The following BACH2 variants were observed in gnomAD, a reference collection of about 807,000 sequenced individuals.
BACH2 encodes BACH transcriptional regulator 2, also known as transcription regulator protein BACH2.
A neutral mutation model predicts 61.8 loss-of-function variants in BACH2; 5 were observed. That is an observed-to-expected ratio of 0.08 (90% CI 0.04 to 0.17). The LOEUF is 0.17. Among genes scored for constraint, BACH2 ranks in the 10% least tolerant of loss-of-function variants. BACH2 has a pLI of 1.00. For synonymous variants in BACH2, 446 were observed against 440.1 expected (o/e 1.01, Z -0.17); for missense variants, 824 against 1,091.1 (o/e 0.76, Z 3.45).
chr6:90,291,432 C>A (rs1772172136), intron 1 of BACH2, among the ~76,000 whole-genome samples: 1 of 151,740 alleles, frequency 6.6e-6, no homozygotes, highest in Non-Finnish European at 1.5e-5. Context: ...ACATTTCCAG[C>A]CTTACGGAAG....
intron 1 of BACH2, among the ~76,000 whole-genome samples, chr6:90,291,642 A>G (rs557013253): frequency 6.6e-6 from 1 of 151,068 alleles, no homozygotes; most frequent in Non-Finnish European, 1.5e-5. Context: ...GTTGAGTTGT[A>G]TTTTGGGCAA....
At chr6:90,226,223 T>C (rs1405301466) in intron 3 of BACH2, among the ~76,000 whole-genome samples, 1 of 152,108 alleles carries the variant, frequency 6.6e-6, no homozygotes, top group Admixed American at 6.5e-5. Flanking sequence ...CTCAGAAAAA[T>C]GTGGAGCTAT....
At chr6:90,187,592 C>T (rs1013400755) in intron 4 of BACH2, among the ~76,000 whole-genome samples, 4 of 152,186 alleles carry the variant, frequency 2.6e-5, no homozygotes, top group Non-Finnish European at 4.4e-5. Flanking sequence ...AAGAAATCAT[C>T]TGGATCTGTT....
Position 89,931,512 on chromosome 6 carries a change from CTTCAT to C in BACH2, c.*891_*895del, listed in dbSNP as rs1323975375. ...TACTTGAGTTATACCGAAGTTACAACTTCATTTAAGAAAATAGGTTTGACCCAAAA... is the reference window on the plus strand; with the variant it reads ...TACTTGAGTTATACCGAAGTTACAACTTAAGAAAATAGGTTTGACCCAAAA... On this transcript the variant is annotated 3_prime_UTR_variant, in exon 9 of 9. Transcript: ENST00000257749. The C allele has an allele frequency of 3.3e-5, 5 of 152,574 alleles. No homozygotes were observed. The highest frequency in any genetic ancestry group is 7.4e-5 in the Non-Finnish European group (5 of 68,026). The allele number at this position is 152,574 out of a possible 1,614,324, so 9.5% of individuals were successfully genotyped here. A position where few individuals can be genotyped will look rare whatever the true frequency, so the allele number is the denominator to read the frequency against.
At chr6:90,084,392 G>A (rs11963242) in intron 5 of BACH2, among the ~76,000 whole-genome samples, 2 of 151,838 alleles carry the variant, frequency 1.3e-5, no homozygotes, top group African/African-American at 2.4e-5. Context: ...GAACTCATGG[G>A]GGGGGAATTT....
chr6:90,163,164 G>C (rs932858848), intron 4 of BACH2, among the ~76,000 whole-genome samples: 1 of 152,104 alleles, frequency 6.6e-6, no homozygotes, highest in African/African-American at 2.4e-5. Flanking sequence ...AAAATATCTC[G>C]TGGCAGTAGA....
At chr6:90,259,481 T>C (rs1582541997) in intron 2 of BACH2, among the ~76,000 whole-genome samples, 1 of 152,242 alleles carries the variant, frequency 6.6e-6, no homozygotes, top group Non-Finnish European at 1.5e-5. Flanking sequence ...CCTAATATTT[T>C]ACTGGGGCTT....
intron 4 of BACH2, among the ~76,000 whole-genome samples, chr6:90,193,416 A>G (rs1450623801): frequency 6.6e-6 from 1 of 152,206 alleles, no homozygotes; most frequent in Admixed American, 6.5e-5. Flanking sequence ...GTGACCTTCT[A>G]CAAGCCAAGG....
At chr6:90,141,259 C>A (rs1334851228) in intron 4 of BACH2, among the ~76,000 whole-genome samples, 1 of 152,146 alleles carries the variant, frequency 6.6e-6, no homozygotes, top group Non-Finnish European at 1.5e-5. Flanking sequence ...CGGCTCACTG[C>A]AACCTCCACC....
chr6:90,096,533 T>A (rs539846824), intron 4 of BACH2, among the ~76,000 whole-genome samples: 1 of 152,242 alleles, frequency 6.6e-6, no homozygotes, highest in African/African-American at 2.4e-5. Context: ...TAACCATTGA[T>A]ACCTGACACT....
intron 8 of BACH2, among the ~76,000 whole-genome samples, chr6:89,935,857 C>A (rs956368033): frequency 1.3e-5 from 2 of 152,208 alleles, no homozygotes; most frequent in African/African-American, 4.8e-5. Flanking sequence ...GCCTAGGCCC[C>A]TGTAGACTCA....
chr6:90,024,938 A>C (rs1300050716), intron 5 of BACH2, among the ~76,000 whole-genome samples: 1 of 152,110 alleles, frequency 6.6e-6, no homozygotes, highest in Non-Finnish European at 1.5e-5. Flanking sequence ...CTCCCTCAAA[A>C]GCCGTCTTAG....
At position 90,008,558 on chromosome 6, in the gene BACH2, T is replaced by A. The variant is rs753633959; in HGVS notation, c.243+44A>T. 7 of 1,607,898 alleles carry A rather than the reference T, an allele frequency of 4.4e-6. No individual in the cohort carries two copies. The African/African-American group carries it at 9.4e-5, about 22-fold the overall frequency. On this transcript the variant is annotated intron_variant, in intron 6 of 8. Transcript: ENST00000257749. This position sits in a 1 kb window ranked among gnomAD's most constrained non-coding sequence, Gnocchi z 4.1. ...TCCTAGTCAGCCAGTTTTCTGTAAG[T>A]CAATAAACATTCATTAACAATCACA...
At chr6:90,004,706 A>G (rs1777314944) in intron 6 of BACH2, among the ~76,000 whole-genome samples, 1 of 152,188 alleles carries the variant, frequency 6.6e-6, no homozygotes, top group South Asian at 2.1e-4. Flanking sequence ...CCAGCCCGAA[A>G]TGGCCTCCAT....
At chr6:90,214,020 G>C (rs549929367) in intron 3 of BACH2, among the ~76,000 whole-genome samples, 2 of 152,002 alleles carry the variant, frequency 1.3e-5, no homozygotes, top group Non-Finnish European at 2.9e-5. Context: ...GCACTATTTG[G>C]GTACTACTGG....
In BACH2 at chr6:90,144,332, T is replaced by C. The variant is rs549006445; in HGVS notation, c.-161-55223A>G. 4.6e-5 allele frequency among the ~76,000 whole-genome samples: 7 copies of C among 151,650 alleles called. No homozygotes were observed. The East Asian group carries it at 5.8e-4, about 13-fold the overall frequency. On this transcript the variant is annotated intron_variant, in intron 4 of 8. Transcript: ENST00000257749. ...CACTCAATAAATGTTTTTTGAAGGA[T>C]TGGGAAGGACAGAGGGAAGGAGGGA...
At chr6:89,947,910 A>T (rs1170364819) in intron 7 of BACH2, among the ~76,000 whole-genome samples, 1 of 152,114 alleles carries the variant, frequency 6.6e-6, no homozygotes, top group East Asian at 1.9e-4. Context: ...GAGTATTTTT[A>T]AAAGTAGCGG....
chr6:90,242,842 TTGTTGACTTTGGGC>T (rs1170037361), intron 3 of BACH2, among the ~76,000 whole-genome samples: 3 of 151,728 alleles, frequency 2.0e-5, no homozygotes, highest in Non-Finnish European at 4.4e-5. Flanking sequence ...AATTCAGGAG[TTGTTGACTTTGGGC>T]TGTTGACTTT....
intron 1 of BACH2, among the ~76,000 whole-genome samples, chr6:90,287,781 T>C (rs956726411): frequency 3.3e-5 from 5 of 152,240 alleles, no homozygotes; most frequent in African/African-American, 9.6e-5. Context: ...TTTACTTCTT[T>C]GGCTTTGTCT....
Sources: gnomAD v4.1 joint callset for allele counts (sites outside exome capture counted in the v4.1 genomes callset) on GRCh38, gnomAD v4.1.1 for gene constraint, Gnocchi (gnomAD v3.1) non-coding constraint, MANE v1.5 for transcripts, NCBI Gene and HGNC (gene_info 2026-07-23, HGNC 2026-07-21) for gene names.